The following OGG1 variants were observed in gnomAD, a reference collection of about 807,000 sequenced individuals.
OGG1 encodes the protein N-glycosylase/DNA lyase.
A neutral mutation model predicts 42.3 loss-of-function variants in OGG1; 35 were observed. The observed-to-expected ratio is 0.83, with a 90% CI of 0.63 to 1.10. The LOEUF is 1.10. OGG1 is among the 50% of genes least tolerant of loss of function. The pLI, the probability that OGG1 is intolerant of heterozygous loss-of-function variation, is 0.00. For missense variants in OGG1, 484 were observed against 446.7 expected (o/e 1.08, Z -0.75); for synonymous variants, 189 against 179.0 (o/e 1.06, Z -0.44).
intron 2 of OGG1, among the ~76,000 whole-genome samples, chr3:9,775,914 A>G (rs1343063995): frequency 6.6e-6 from 1 of 152,200 alleles, no homozygotes; most frequent in Admixed American, 6.5e-5. Flanking sequence ...TGCTGGGATT[A>G]CAGGTGTGAG....
intron 2 of OGG1, among the ~76,000 whole-genome samples, chr3:9,776,625 G>A (rs1575283687): frequency 2.6e-5 from 4 of 151,992 alleles, no homozygotes; most frequent in Non-Finnish European, 5.9e-5. Flanking sequence ...TCCTGACCTC[G>A]TGATCCGCCC....
At chr3:9,768,875 G>A (rs2078229597), downstream of OGG1, among the ~76,000 whole-genome samples, 3 of 152,072 alleles carry the variant, frequency 2.0e-5, no homozygotes, top group South Asian at 6.2e-4. Flanking sequence ...CCCATCCAGG[G>A]GCAGAATCTT....
intron 2 of OGG1, among the ~76,000 whole-genome samples, chr3:9,775,965 A>G (rs1435675666): frequency 6.6e-6 from 1 of 152,148 alleles, no homozygotes; most frequent in African/African-American, 2.4e-5. Context: ...TTGATTCAGT[A>G]GGTCTGTGGC....
rs913219707 is a variant in OGG1 at position 9,780,292 on chromosome 3, AGAAG to A, written c.295-1216_295-1213del. 6 of 1,506,302 alleles carry A rather than the reference AGAAG, an allele frequency of 4.0e-6. No individual in the cohort carries two copies. In the African/African-American group the frequency reaches 7.0e-5, roughly 18 times the overall value. 93.3% of individuals were successfully genotyped at this position (1,506,302 alleles called of 1,614,324 possible). ...ACAGGCCAATGTTTCCTGTGCCCAAAGAAGGAAGTGGGCCTCCCTTCCCCTCCCC... is the reference window on the plus strand; with the variant it reads ...ACAGGCCAATGTTTCCTGTGCCCAAAGAAGTGGGCCTCCCTTCCCCTCCCC... On this transcript the variant is annotated intron_variant, in intron 2 of 3. Coordinates refer to the OGG1 transcript ENST00000426518.
chr3:9,750,915 T>G, intron 1 of OGG1, 30 bp from the exon 2 acceptor site: 1 of 1,613,314 alleles, frequency 6.2e-7, no homozygotes. Context: ...GGAAATTGAG[T>G]GCCAGGGTTG....
chr3:9,783,794 A>G, intron 3 of OGG1: 1 of 730,398 alleles, frequency 1.4e-6, no homozygotes, highest in Non-Finnish European at 2.0e-6. Flanking sequence ...AAACAAAACA[A>G]AAACAAATCA....
intron 2 of OGG1, among the ~76,000 whole-genome samples, chr3:9,779,520 G>T (rs571881391): frequency 1.6e-3 from 240 of 151,844 alleles, no homozygotes; most frequent in Non-Finnish European, 2.6e-3. Flanking sequence ...CTTGGGGGAG[G>T]GGGGAGGGAA....
chr3:9,756,693 C>T, intron 5 of OGG1, 72 bp downstream of exon 5: 2 of 1,613,266 alleles, frequency 1.2e-6, no homozygotes, highest in Non-Finnish European at 8.5e-7. Flanking sequence ...TTAGTCACCT[C>T]TCCCTCAGAC....
intron 1 of OGG1, 151 bp from the exon 2 acceptor site, chr3:9,750,794 A>G: frequency 2.1e-6 from 2 of 964,240 alleles, no homozygotes; most frequent in Non-Finnish European, 3.2e-6. Flanking sequence ...TATTTTTTGT[A>G]GAGGTGAGGT....
At chr3:9,753,351 CAA>C (rs56205013) in intron 3 of OGG1, among the ~76,000 whole-genome samples, 10 of 73,046 alleles carry the variant, frequency 1.4e-4, no homozygotes, top group Admixed American at 1.6e-4. Flanking sequence ...GACTCCGTCT[CAA>C]AAAAAAAAAA....
chr3:9,765,884 G>A, exon 8 of OGG1: 1 of 1,614,120 alleles, frequency 6.2e-7, no homozygotes, highest in Non-Finnish European at 8.5e-7. Flanking sequence ...CCTCCGAGAA[G>A]GCCCCCCTAT....
chr3:9,750,745 T>C (rs2077263058), intron 1 of OGG1, 200 bp from the exon 2 acceptor site: 1 of 742,698 alleles, frequency 1.3e-6, no homozygotes, highest in South Asian at 1.7e-5. Flanking sequence ...CCCGAGTAGC[T>C]GGGACTACAG....
chr3:9,761,966 T>A, downstream of OGG1: 1 of 623,962 alleles, frequency 1.6e-6, no homozygotes, highest in South Asian at 2.0e-5. Context: ...GGGAACTGTC[T>A]CTAAACCTCA....
exon 8 of OGG1, chr3:9,766,449 T>A: frequency 2.4e-6 from 1 of 420,236 alleles, no homozygotes. Flanking sequence ...TTTTTAGAAA[T>A]GCAAAATCTC....
intron 2 of OGG1, among the ~76,000 whole-genome samples, chr3:9,774,959 ATT>A (rs201509950): frequency 9.1e-5 from 13 of 142,762 alleles, no homozygotes; most frequent in Admixed American, 2.1e-4. Context: ...TGTTTGAGTA[ATT>A]TTTTTTTTTT....
At chr3:9,760,609 A>C, downstream of OGG1, 2 of 1,599,200 alleles carry the variant, frequency 1.3e-6, no homozygotes, top group Non-Finnish European at 1.7e-6. Context: ...CAGGTGAGGG[A>C]GGAACCAGAG....
At chr3:9,766,748 C>T (rs946731317), downstream of OGG1, 20 of 556,734 alleles carry the variant, frequency 3.6e-5, no homozygotes, top group African/African-American at 3.5e-4. Flanking sequence ...AAGCATCTCT[C>T]GTGGTGAAAT....
chr3:9,787,753 T>A, exon 4 of OGG1: 1 of 1,265,018 alleles, frequency 7.9e-7, no homozygotes, highest in Admixed American at 2.3e-5. Context: ...ATCAGATAAG[T>A]GAAGTGAAAG....
chr3:9,787,203 A>G (rs1466339068), intron 3 of OGG1: 4 of 1,614,170 alleles, frequency 2.5e-6, no homozygotes, highest in Non-Finnish European at 3.4e-6. Flanking sequence ...GCCTACCTTT[A>G]GTGTCCAGTT....
Sources: allele counts gnomAD v4.1 joint callset (sites outside exome capture counted in the v4.1 genomes callset), GRCh38; gene constraint gnomAD v4.1.1; transcripts MANE v1.5; gene names NCBI Gene and HGNC (gene_info 2026-07-23, HGNC 2026-07-21).